TNFSF4: variants seen among roughly 807,000 people sequenced by gnomAD.
TNFSF4 encodes TNF superfamily member 4.
In TNFSF4, 4 loss-of-function variants were observed where a neutral mutation model predicts 7.3. The observed-to-expected ratio is 0.55, with a 90% CI of 0.27 to 1.25. The LOEUF is 1.25. Among genes scored for constraint, TNFSF4 ranks in the 50% most tolerant of loss-of-function variants. The pLI is 0.12. For synonymous variants in TNFSF4, 76 were observed against 83.7 expected, an observed-to-expected ratio of 0.91 and a Z score of 0.50; for missense variants, 181 against 208.8, an observed-to-expected ratio of 0.87 and a Z score of 0.82.
the TNFSF4 span, among the ~76,000 whole-genome samples, chr1:173,308,935 C>G: frequency 6.6e-6 from 1 of 151,904 alleles, no homozygotes; most frequent in African/African-American, 2.4e-5. Flanking sequence ...AAAAGTCACA[C>G]AGCATCCTTC....
At chr1:173,311,762 C>T in the TNFSF4 span, among the ~76,000 whole-genome samples, 1 of 152,074 alleles carries the variant, frequency 6.6e-6, no homozygotes, top group Admixed American at 6.6e-5. Flanking sequence ...ACACCCTCTA[C>T]TGATGAAGCT....
chr1:173,336,129 C>T, the TNFSF4 span, among the ~76,000 whole-genome samples: 1 of 152,164 alleles, frequency 6.6e-6, no homozygotes. Flanking sequence ...GTTGCCTAAC[C>T]TGTGGAGTGA....
At chr1:173,201,345 C>G (rs1334372079) in intron 1 of TNFSF4, among the ~76,000 whole-genome samples, 1 of 152,138 alleles carries the variant, frequency 6.6e-6, no homozygotes, top group Non-Finnish European at 1.5e-5. Context: ...CTAAAAATTA[C>G]ATTGGGGAAA....
the TNFSF4 span, among the ~76,000 whole-genome samples, chr1:173,334,306 A>G: frequency 1.3e-5 from 2 of 152,230 alleles, no homozygotes; most frequent in South Asian, 4.1e-4. Flanking sequence ...CTCCCAAATA[A>G]CCACTTATAA....
At chr1:173,277,362 T>G in the TNFSF4 span, among the ~76,000 whole-genome samples, 1 of 151,906 alleles carries the variant, frequency 6.6e-6, no homozygotes, top group East Asian at 1.9e-4. Flanking sequence ...AACTTGGGAG[T>G]CTGAGAGATT....
chr1:173,205,590 C>G lies in TNFSF4; in HGVS notation c.153+1434G>C, dbSNP rs79230566. ...CCATGGTGTAAGGAAATATGTAACA[C>G]TGTGGTTGTTAGAAAAAGCACTCTC... On this transcript the variant is annotated intron_variant, in intron 1 of 2. Coordinates refer to ENST00000281834, the MANE Select transcript of TNFSF4 (RefSeq NM_003326.5). 1,587 of 1,178,478 alleles carry G rather than the reference C, an allele frequency of 1.3e-3. 2 individuals carry two copies. Among genetic ancestry groups the G allele is most frequent in the Non-Finnish European group, 1.6e-3 (1,526 of 952,160 alleles). The allele number at this position is 1,178,478 out of a possible 1,614,324, so 73.0% of individuals were successfully genotyped here.
the TNFSF4 span, chr1:173,418,456 C>G: frequency 6.6e-6 from 1 of 152,008 alleles, no homozygotes; most frequent in Non-Finnish European, 1.5e-5. Flanking sequence ...ATACCAGGGT[C>G]GGGTCCTGCT....
chr1:173,315,565 C>T, the TNFSF4 span, among the ~76,000 whole-genome samples: 1 of 152,060 alleles, frequency 6.6e-6, no homozygotes, highest in African/African-American at 2.4e-5. Context: ...AAAAAATGTA[C>T]CATTCAAGTA....
At chr1:173,449,250 A>G in the TNFSF4 span, among the ~76,000 whole-genome samples, 1 of 152,178 alleles carries the variant, frequency 6.6e-6, no homozygotes, top group African/African-American at 2.4e-5. Context: ...AGCTGATGCC[A>G]GAGCTGTTTC....
At chr1:173,407,565 A>AAC in the TNFSF4 span, among the ~76,000 whole-genome samples, 6 of 146,258 alleles carry the variant, frequency 4.1e-5, no homozygotes, top group Non-Finnish European at 9.3e-5. Flanking sequence ...GCCTCAAAAA[A>AAC]AAAAAAAAAA....
At chr1:173,343,248 A>G in the TNFSF4 span, among the ~76,000 whole-genome samples, 1 of 152,240 alleles carries the variant, frequency 6.6e-6, no homozygotes, top group African/African-American at 2.4e-5. Flanking sequence ...GCTAGGCAAA[A>G]GCAGGAGATG....
At chr1:173,205,721 C>T (rs569709954) in intron 1 of TNFSF4, 137 of 392,420 alleles carry the variant, frequency 3.5e-4, no homozygotes, top group African/African-American at 2.4e-3. Flanking sequence ...GGCATCCGGT[C>T]GATGTCTTGG....
At chr1:173,294,288 T>A in the TNFSF4 span, among the ~76,000 whole-genome samples, 1 of 151,992 alleles carries the variant, frequency 6.6e-6, no homozygotes, top group Non-Finnish European at 1.5e-5. Context: ...AATAACAAAA[T>A]CATGTTCTTT....
chr1:173,437,522 A>G, the TNFSF4 span, among the ~76,000 whole-genome samples: 35 of 152,084 alleles, frequency 2.3e-4, no homozygotes, highest in African/African-American at 8.4e-4. Flanking sequence ...ATTCATCTTT[A>G]TTTTCAAGTT....
At chr1:173,349,133 A>G in the TNFSF4 span, among the ~76,000 whole-genome samples, 2 of 152,026 alleles carry the variant, frequency 1.3e-5, no homozygotes, top group Non-Finnish European at 2.9e-5. Flanking sequence ...GGTTCACGCC[A>G]TTCTCCTGTC....
the TNFSF4 span, among the ~76,000 whole-genome samples, chr1:173,320,551 G>A: frequency 1.3e-5 from 2 of 152,148 alleles, no homozygotes; most frequent in South Asian, 2.1e-4. Flanking sequence ...TCTGTTTGCA[G>A]ATGACATGAT....
chr1:173,260,555 T>C, the TNFSF4 span, among the ~76,000 whole-genome samples: 1 of 152,174 alleles, frequency 6.6e-6, no homozygotes, highest in Non-Finnish European at 1.5e-5. Context: ...GCAAGCTGGA[T>C]AAAGAATCAA....
chr1:173,364,381 G>GTA, the TNFSF4 span, among the ~76,000 whole-genome samples: 352 of 140,784 alleles, frequency 2.5e-3, 2 homozygotes, highest in East Asian at 0.011. Flanking sequence ...GGGTGTATGT[G>GTA]TATATATATA....
chr1:173,203,263 A>G (rs1001566896), intron 1 of TNFSF4, among the ~76,000 whole-genome samples: 6 of 151,594 alleles, frequency 4.0e-5, no homozygotes, highest in Middle Eastern at 6.8e-3. Context: ...CTTATCTGTA[A>G]ATAGACTATA....
Sources: gnomAD v4.1 joint callset for allele counts (sites outside exome capture counted in the v4.1 genomes callset) on GRCh38, gnomAD v4.1.1 for gene constraint, MANE v1.5 for transcripts, NCBI Gene and HGNC (gene_info 2026-07-23, HGNC 2026-07-21) for gene names.